Variants in SUPT3H observed in about 807,000 individuals in gnomAD.
The protein encoded by SUPT3H is SPT3 homolog, SAGA and STAGA complex component, also known as transcription initiation protein SPT3 homolog.
In SUPT3H, 44 loss-of-function variants were observed where a neutral mutation model predicts 44.3. That is an observed-to-expected ratio of 0.99 (90% CI 0.78 to 1.28). SUPT3H has a LOEUF of 1.28. Among genes scored for constraint, SUPT3H ranks in the 50% most tolerant of loss-of-function variants. The probability of loss-of-function intolerance (pLI) is 0.00; values close to 1 mark genes in which losing one functional copy is unlikely to be tolerated. For missense variants in SUPT3H, 380 were observed against 387.1 expected, an observed-to-expected ratio of 0.98 and a Z score of 0.15; for synonymous variants, 124 against 125.6, an observed-to-expected ratio of 0.99 and a Z score of 0.09.
At chr6:45,003,596 A>G (rs1488519781) in intron 6 of SUPT3H, 57 bp downstream of exon 6, 3 of 1,570,964 alleles carry the variant, frequency 1.9e-6, no homozygotes, top group Admixed American at 1.9e-5. Context: ...AGGACCAAAC[A>G]GCATAGGCAC....
At chr6:45,059,357 T>C (rs1221461161) in intron 3 of SUPT3H, among the ~76,000 whole-genome samples, 1 of 152,166 alleles carries the variant, frequency 6.6e-6, no homozygotes, top group East Asian at 1.9e-4. Flanking sequence ...TTTCAATAGA[T>C]GCAGAAAAGG....
chr6:44,959,650 A>T (rs1775720540), intron 7 of SUPT3H, among the ~76,000 whole-genome samples: 1 of 152,150 alleles, frequency 6.6e-6, no homozygotes, highest in South Asian at 2.1e-4. Flanking sequence ...TTTAAGAGAA[A>T]TAACTCTCTG....
At chr6:44,879,617 A>T (rs114252115) in intron 10 of SUPT3H, among the ~76,000 whole-genome samples, 246 of 149,114 alleles carry the variant, frequency 1.6e-3, no homozygotes, top group African/African-American at 5.7e-3. Context: ...CCTGACCCCC[A>T]TGCCTCCTGA....
At chr6:45,108,292 ACAGTGAAACC>A (rs1799553978) in intron 2 of SUPT3H, among the ~76,000 whole-genome samples, 1 of 152,232 alleles carries the variant, frequency 6.6e-6, no homozygotes. Flanking sequence ...CCTGGGCAAC[ACAGTGAAACC>A]CTGTTTCTAC....
intron 10 of SUPT3H, among the ~76,000 whole-genome samples, chr6:44,852,222 A>G (rs1483125225): frequency 6.6e-6 from 1 of 152,182 alleles, no homozygotes; most frequent in South Asian, 2.1e-4. Context: ...AAAAGTAATT[A>G]TAGGTGGCAC....
At chr6:45,246,028 A>C (rs192781534) in intron 2 of SUPT3H, among the ~76,000 whole-genome samples, 1 of 152,206 alleles carries the variant, frequency 6.6e-6, no homozygotes, top group Admixed American at 6.5e-5. Flanking sequence ...GACTGGTAAT[A>C]TAGAGCATAT....
At chr6:45,339,419 T>C (rs1789300986) in intron 2 of SUPT3H, among the ~76,000 whole-genome samples, 1 of 152,192 alleles carries the variant, frequency 6.6e-6, no homozygotes, top group African/African-American at 2.4e-5. Flanking sequence ...ACAAAATGCA[T>C]ATCCAAAATA....
chr6:44,987,056 A>G (rs1394668023), intron 6 of SUPT3H, among the ~76,000 whole-genome samples: 2 of 152,154 alleles, frequency 1.3e-5, no homozygotes, highest in Non-Finnish European at 2.9e-5. Flanking sequence ...TCAGGGTGCC[A>G]GCACACTCTG....
At chr6:45,159,634 G>T (rs985947944) in intron 2 of SUPT3H, 2 of 152,124 alleles carry the variant, frequency 1.3e-5, no homozygotes, top group Non-Finnish European at 2.9e-5. Flanking sequence ...AATTATAAAT[G>T]TGTACTTGCT....
chr6:45,170,912 A>G (rs1279210096), intron 2 of SUPT3H, among the ~76,000 whole-genome samples: 1 of 152,216 alleles, frequency 6.6e-6, no homozygotes, highest in Non-Finnish European at 1.5e-5. Context: ...CATGACAATA[A>G]TTTTAAAATC....
intron 3 of SUPT3H, among the ~76,000 whole-genome samples, chr6:45,052,567 C>T (rs957475695): frequency 1.3e-5 from 2 of 152,050 alleles, no homozygotes; most frequent in African/African-American, 4.8e-5. Flanking sequence ...TAATTAGACA[C>T]CTTTGACTCA....
At chr6:44,941,257 T>C (rs1772376417) in intron 9 of SUPT3H, among the ~76,000 whole-genome samples, 3 of 152,140 alleles carry the variant, frequency 2.0e-5, no homozygotes, top group Non-Finnish European at 4.4e-5. Flanking sequence ...TGTCTTTGTA[T>C]GATGGCGAAT....
chr6:45,251,312 A>C (rs1772334663), intron 2 of SUPT3H, among the ~76,000 whole-genome samples: 1 of 152,102 alleles, frequency 6.6e-6, no homozygotes, highest in African/African-American at 2.4e-5. Flanking sequence ...TTCTTTCAAC[A>C]ATAGTTAACA....
intron 2 of SUPT3H, among the ~76,000 whole-genome samples, chr6:45,334,612 C>A (rs1051446201): frequency 6.6e-6 from 1 of 150,822 alleles, no homozygotes. Flanking sequence ...ATTTTTACAC[C>A]GAAACAAAAT....
At chr6:45,114,330 T>G (rs1322362053) in intron 2 of SUPT3H, among the ~76,000 whole-genome samples, 6 of 151,298 alleles carry the variant, frequency 4.0e-5, no homozygotes, top group Non-Finnish European at 8.8e-5. Context: ...ACAATATAAC[T>G]AATGAATTAC....
At chr6:45,049,315 A>C (rs989470379) in intron 3 of SUPT3H, among the ~76,000 whole-genome samples, 3 of 152,188 alleles carry the variant, frequency 2.0e-5, no homozygotes, top group African/African-American at 7.2e-5. Context: ...TTCATTATTC[A>C]GGGATGCTCC....
chr6:45,111,039 T>G (rs1232743156), intron 2 of SUPT3H, among the ~76,000 whole-genome samples: 5 of 151,220 alleles, frequency 3.3e-5, no homozygotes, highest in Non-Finnish European at 5.9e-5. Flanking sequence ...GATACTTTTT[T>G]TTTTTTTTTT....
chr6:44,954,314 T>C (rs751920920), intron 8 of SUPT3H, among the ~76,000 whole-genome samples, 181 bp downstream of exon 8: 1 of 152,170 alleles, frequency 6.6e-6, no homozygotes, highest in Non-Finnish European at 1.5e-5. Flanking sequence ...TAGCATCCAC[T>C]TGAATTGAGG....
intron 3 of SUPT3H, among the ~76,000 whole-genome samples, chr6:45,040,842 TTC>T (rs1788421883): frequency 6.6e-6 from 1 of 152,194 alleles, no homozygotes; most frequent in Non-Finnish European, 1.5e-5. Flanking sequence ...AAACTGAATA[TTC>T]TGTTTCCTTC....
Sources: allele counts gnomAD v4.1 joint callset (sites outside exome capture counted in the v4.1 genomes callset), GRCh38; gene constraint gnomAD v4.1.1; transcripts MANE v1.5; gene names NCBI Gene and HGNC (gene_info 2026-07-23, HGNC 2026-07-21).